Variants in PPP1R37 observed in about 807,000 individuals in gnomAD.
The protein encoded by PPP1R37 is protein phosphatase 1 regulatory subunit 37.
In PPP1R37, 21 loss-of-function variants were observed where a neutral mutation model predicts 61.0. The ratio of observed to expected loss-of-function variants is 0.34; its 90% confidence interval spans 0.24 to 0.50. The LOEUF is 0.50. PPP1R37 is among the 20% of genes least tolerant of loss of function. PPP1R37 has a pLI of 0.98. For missense variants in PPP1R37, 910 were observed against 952.7 expected (o/e 0.96, Z 0.59); for synonymous variants, 443 against 433.5 (o/e 1.02, Z -0.27).
At chr19:45,143,787 C>T in intron 8 of PPP1R37, 154 bp downstream of exon 8, 1 of 536,304 alleles carries the variant, frequency 1.9e-6, no homozygotes, top group South Asian at 2.3e-5. Flanking sequence ...CTTCCTCATT[C>T]AGCTTCTGTG....
At chr19:45,117,979 C>T (rs1036401461) in intron 1 of PPP1R37, among the ~76,000 whole-genome samples, 4 of 152,216 alleles carry the variant, frequency 2.6e-5, no homozygotes, top group African/African-American at 9.7e-5. Context: ...TACTGAGAGG[C>T]TGTTGGGGGT....
intron 4 of PPP1R37, 129 bp from the exon 5 acceptor site, chr19:45,141,190 GTCC>G (rs1377326665): frequency 3.0e-6 from 3 of 996,770 alleles, no homozygotes; most frequent in Admixed American, 6.4e-5. Context: ...GTCTGTGCTT[GTCC>G]TCCTCTCCCG....
At chr19:45,099,938 A>AACCAG in intron 1 of PPP1R37, 1 of 152,346 alleles carries the variant, frequency 6.6e-6, no homozygotes, top group Admixed American at 6.5e-5. Flanking sequence ...CCCAGCTGGC[A>AACCAG]CTCGGTAACC....
rs1226016410 is a variant in PPP1R37 at position 45,144,863 on chromosome 19, C to G, written c.997C>G (p.Gln333Glu). 51 of 1,533,472 alleles carry G rather than the reference C, an allele frequency of 3.3e-5. No individual in the cohort carries two copies. Among genetic ancestry groups the G allele is most frequent in the Non-Finnish European group, 4.3e-5 (49 of 1,145,590 alleles). 95.0% of individuals were successfully genotyped at this position (1,533,472 alleles called of 1,614,324 possible). ...AFLGMTLPHT[Q>E]SLETLNLGHN... ...CACCCCCTCCCTCCAGCCGCACACT[C>G]AGAGCCTGGAGACGCTGAACCTGGG... is the stretch of plus-strand genomic sequence containing the variant. The change falls in exon 9 of 13, where the codon CAG (glutamine) becomes GAG (glutamate). Residue 333 changes from glutamine to glutamate, a missense_variant. Physicochemically the swap from Gln to Glu is conservative, Grantham distance 29. Around this residue, in one of 3 missense-constraint regions of PPP1R37, gnomAD observed 549 missense variants for 505.1 expected, o/e 1.09. Coordinates refer to ENST00000221462, the MANE Select transcript of PPP1R37 (RefSeq NM_019121.2).
In PPP1R37 at chr19:45,121,851, A is replaced by C. The variant is rs1260790800; in HGVS notation, c.203-16663A>C. Among the ~76,000 whole-genome samples, 4 of 152,210 alleles carry C rather than the reference A, an allele frequency of 2.6e-5. No homozygotes were observed. The highest frequency in any genetic ancestry group is 6.5e-5 in the Admixed American group (1 of 15,284). Reference sequence around the variant, plus strand: ...AGAAATACCTGCCCTTGGGAAGCCCACTGCATTGGGCTTACATGACTGATC... The same window carrying C: ...AGAAATACCTGCCCTTGGGAAGCCCCCTGCATTGGGCTTACATGACTGATC... On this transcript the variant is annotated intron_variant, in intron 1 of 12. Transcript: ENST00000221462. The surrounding 1 kb of genome is among the most constrained non-coding windows in gnomAD (Gnocchi z 4.2).
chr19:45,107,957 G>A (rs1460266774), intron 1 of PPP1R37, among the ~76,000 whole-genome samples: 1 of 152,164 alleles, frequency 6.6e-6, no homozygotes, highest in Non-Finnish European at 1.5e-5. Flanking sequence ...CCAGTTTTCA[G>A]TTGCATAGAT....
rs565536949 is a variant in PPP1R37 at position 45,128,703 on chromosome 19, TG to T, written c.203-9809del. ...CTGTAAGGTCTTTGAGATGTCTGCT[TG>T]GAAGACTGGCAAGCACAGCCGCGTC... On this transcript the variant is annotated intron_variant, in intron 1 of 12. Coordinates refer to ENST00000221462, the MANE Select transcript of PPP1R37 (RefSeq NM_019121.2). The T allele has an allele frequency of 1.8e-4, 183 of 1,021,752 alleles. No individual in the cohort carries two copies. In the African/African-American group the frequency reaches 2.5e-3, roughly 14 times the overall value. 63.3% of individuals were successfully genotyped at this position (1,021,752 alleles called of 1,614,324 possible).
At chr19:45,143,166 A>G in intron 7 of PPP1R37, 1 of 221,422 alleles carries the variant, frequency 4.5e-6, no homozygotes, top group Non-Finnish European at 9.1e-6. Context: ...GTCTAGAGAG[A>G]CAACGATAAG....
At position 45,144,979 on chromosome 19, in the gene PPP1R37, C is replaced by G; in HGVS notation, c.1113C>G (p.Thr371=). The stretch of plus-strand genomic sequence containing the variant: ...TGCTGCGCCTCGGGCTGGCCTCCAC[C>G]AAGCTCACGTGCGAGGGTAGGGTAC... ...RSVLRLGLAS[T]KLTCEGAVAV... The change falls in exon 9 of 13, where the codon ACC becomes ACG. Residue 371 remains threonine (T), a synonymous_variant. Coordinates refer to ENST00000221462, the MANE Select transcript of PPP1R37 (RefSeq NM_019121.2). 1 of 1,535,014 alleles carries G rather than the reference C, an allele frequency of 6.5e-7. No homozygotes were observed. Among genetic ancestry groups the G allele is most frequent in the Non-Finnish European group, 8.7e-7 (1 of 1,146,424 alleles).
chr19:45,131,380 C>G (rs1968475044), intron 1 of PPP1R37, among the ~76,000 whole-genome samples: 1 of 152,228 alleles, frequency 6.6e-6, no homozygotes, highest in Admixed American at 6.5e-5. Context: ...CCCAGCCCTT[C>G]CCCTCCTCAG....
chr19:45,129,905 G>GA (rs1420410540), intron 1 of PPP1R37, among the ~76,000 whole-genome samples: 12 of 152,172 alleles, frequency 7.9e-5, no homozygotes, highest in African/African-American at 2.7e-4. Context: ...GTTTAATATG[G>GA]AAAAAAACAA....
intron 11 of PPP1R37, 115 bp downstream of exon 11, chr19:45,146,164 G>A (rs1968696951): frequency 2.5e-6 from 3 of 1,223,844 alleles, no homozygotes; most frequent in East Asian, 2.6e-5. Flanking sequence ...GTTCTCGCAG[G>A]GGCCAGCAAA....
chr19:45,093,288 C>T lies in PPP1R37; in HGVS notation c.-38C>T, dbSNP rs980703346. On this transcript the variant is annotated 5_prime_UTR_variant, in exon 1 of 13. Coordinates refer to ENST00000221462, the MANE Select transcript of PPP1R37 (RefSeq NM_019121.2). ...GGAGAGACAAATCCGGGGCCCGGGG[C>T]ATGTCCCCGGGGCCCCCGTGAGGAG... The T allele has an allele frequency of 3.4e-5, 46 of 1,352,048 alleles. No individual in the cohort carries two copies. The highest frequency in any genetic ancestry group is 2.0e-5 in the Non-Finnish European group (21 of 1,052,906). 83.8% of individuals were successfully genotyped at this position (1,352,048 alleles called of 1,614,324 possible).
chr19:45,123,888 A>G (rs1474130488), intron 1 of PPP1R37, among the ~76,000 whole-genome samples: 3 of 152,152 alleles, frequency 2.0e-5, no homozygotes, highest in Admixed American at 2.0e-4. Context: ...CTTCCTAAGC[A>G]TGGAGTAGAC....
At chr19:45,108,324 C>A (rs1968158600) in intron 1 of PPP1R37, among the ~76,000 whole-genome samples, 1 of 152,146 alleles carries the variant, frequency 6.6e-6, no homozygotes, top group Admixed American at 6.5e-5. Context: ...ATTCTCCTGC[C>A]TTAGCCTCCC....
intron 1 of PPP1R37, among the ~76,000 whole-genome samples, chr19:45,105,574 G>C (rs12459074): frequency 0.25 from 37,335 of 152,004 alleles, 4,912 homozygotes; most frequent in Middle Eastern, 0.27. Context: ...CATTCCCTGT[G>C]ACCCATGTGT....
intron 1 of PPP1R37, among the ~76,000 whole-genome samples, chr19:45,096,844 G>C (rs1184995884): frequency 6.6e-6 from 1 of 152,162 alleles, no homozygotes; most frequent in African/African-American, 2.4e-5. Context: ...GGAAGAATTG[G>C]TCCATCCTGT....
chr19:45,135,788 T>TG (rs1240637909), intron 1 of PPP1R37, among the ~76,000 whole-genome samples: 1 of 151,394 alleles, frequency 6.6e-6, no homozygotes, highest in African/African-American at 2.4e-5. Context: ...CCTTTTTTTT[T>TG]TTTTTTTTTT....
At chr19:45,132,212 C>T (rs898274071) in intron 1 of PPP1R37, among the ~76,000 whole-genome samples, 3 of 151,316 alleles carry the variant, frequency 2.0e-5, no homozygotes, top group African/African-American at 7.4e-5. Flanking sequence ...CACTCACACA[C>T]GTGCCCACCC....
Sources: gnomAD v4.1 joint callset for allele counts (sites outside exome capture counted in the v4.1 genomes callset) on GRCh38, gnomAD v4.1.1 for gene constraint, gnomAD v4.1.1 regional missense constraint, Gnocchi (gnomAD v3.1) non-coding constraint, MANE v1.5 for transcripts, NCBI Gene and HGNC (gene_info 2026-07-23, HGNC 2026-07-21) for gene names.